TMEM232: variants seen among roughly 807,000 people sequenced by gnomAD.
TMEM232 encodes the protein transmembrane protein 232.
In TMEM232, 80 loss-of-function variants were observed where a neutral mutation model predicts 78.8. The ratio of observed to expected loss-of-function variants is 1.01; its 90% CI spans 0.85 to 1.22. The LOEUF (loss-of-function observed/expected upper bound fraction) is 1.22. Ranked by LOEUF, TMEM232 falls within the 50% of genes most tolerant of loss-of-function variation. The pLI is 0.00. For missense variants in TMEM232, 881 were observed against 742.2 expected, an observed-to-expected ratio of 1.19 and a Z score of -2.17; for synonymous variants, 297 against 254.3, an observed-to-expected ratio of 1.17 and a Z score of -1.60.
chr5:110,627,499 A>G (rs1322169420), intron 6 of TMEM232, among the ~76,000 whole-genome samples: 1 of 152,076 alleles, frequency 6.6e-6, no homozygotes, highest in Non-Finnish European at 1.5e-5. Flanking sequence ...CAACATGATA[A>G]CTATAGTTAA....
intron 12 of TMEM232, among the ~76,000 whole-genome samples, chr5:110,520,050 T>TATATATAGAGAGAG (rs374219408): frequency 2.0e-5 from 3 of 147,232 alleles, no homozygotes; most frequent in African/African-American, 7.5e-5. Flanking sequence ...TATATATATA[T>TATATATAGAGAGAG]AGAGAGAGAG....
intron 12 of TMEM232, among the ~76,000 whole-genome samples, chr5:110,436,324 G>A (rs1022555206): frequency 6.6e-6 from 1 of 151,892 alleles, no homozygotes; most frequent in Non-Finnish European, 1.5e-5. Context: ...TTTCTATAGA[G>A]TTGTTTGAGG....
chr5:110,562,353 G>A (rs1332687665), intron 11 of TMEM232, among the ~76,000 whole-genome samples: 1 of 152,052 alleles, frequency 6.6e-6, no homozygotes, highest in African/African-American at 2.4e-5. Context: ...TTTTCACAGT[G>A]TTCTTATCTC....
At chr5:110,463,965 T>C (rs1489353715) in intron 12 of TMEM232, among the ~76,000 whole-genome samples, 1 of 152,222 alleles carries the variant, frequency 6.6e-6, no homozygotes, top group Non-Finnish European at 1.5e-5. Flanking sequence ...TTTGAAATAC[T>C]CATCTTCCAG....
At chr5:110,389,953 C>A (rs997940412) in intron 4 of TMEM232, among the ~76,000 whole-genome samples, 2 of 152,160 alleles carry the variant, frequency 1.3e-5, no homozygotes, top group Non-Finnish European at 2.9e-5. Flanking sequence ...CTACTCTCTT[C>A]CCCCAAAACA....
At chr5:110,467,918 GGCTTT>G (rs1762258081) in intron 12 of TMEM232, among the ~76,000 whole-genome samples, 1 of 143,374 alleles carries the variant, frequency 7.0e-6, no homozygotes, top group African/African-American at 2.7e-5. Flanking sequence ...TATACTCTTT[GGCTTT>G]GGGTGCATCA....
intron 12 of TMEM232, among the ~76,000 whole-genome samples, chr5:110,468,121 ATTACT>A (rs1224083494): frequency 1.3e-5 from 2 of 152,252 alleles, no homozygotes; most frequent in African/African-American, 2.4e-5. Context: ...AGATAGATAC[ATTACT>A]TTACTTTAAA....
chr5:110,671,226 G>A (rs917692378), intron 1 of TMEM232, among the ~76,000 whole-genome samples: 1 of 152,112 alleles, frequency 6.6e-6, no homozygotes, highest in Non-Finnish European at 1.5e-5. Context: ...TTAGAATGGT[G>A]ATCATTAAAA....
In TMEM232 at chr5:110,653,929, T is replaced by C. The variant is rs548490380; in HGVS notation, c.126-11558A>G. Among the ~76,000 whole-genome samples, 11 of 152,274 alleles carry C rather than the reference T, an allele frequency of 7.2e-5. No homozygotes were observed. The South Asian group carries it at 2.3e-3, about 32-fold the overall frequency. ...CGACATATCAGTGATGATCAAAGCC[T>C]TAAAATTTCAAGAGGAAGAATACTA... is the stretch of plus-strand genomic sequence containing the variant. On this transcript the variant is annotated intron_variant, in intron 2 of 13. Coordinates refer to ENST00000455884, the MANE Select transcript of TMEM232 (RefSeq NM_001039763.4).
At chr5:110,667,145 T>C (rs1790697895) in intron 2 of TMEM232, 83 bp downstream of exon 2, 14 of 1,130,674 alleles carry the variant, frequency 1.2e-5, no homozygotes, top group Admixed American at 3.5e-5. Context: ...TAGAGAACTA[T>C]GGGTGAATTT....
intron 2 of TMEM232, among the ~76,000 whole-genome samples, chr5:110,405,765 T>C (rs1755768533): frequency 6.8e-6 from 1 of 148,038 alleles, no homozygotes; most frequent in South Asian, 2.1e-4. Context: ...AAACAGGCCA[T>C]CTGTAACTTC....
chr5:110,603,094 G>C (rs1270817108), intron 10 of TMEM232, among the ~76,000 whole-genome samples: 2 of 152,074 alleles, frequency 1.3e-5, no homozygotes, highest in Non-Finnish European at 2.9e-5. Flanking sequence ...TGAACAATGG[G>C]AACCCATGGA....
intron 1 of TMEM232, among the ~76,000 whole-genome samples, chr5:110,690,962 T>C (rs1244998254): frequency 1.3e-5 from 2 of 150,658 alleles, no homozygotes; most frequent in African/African-American, 4.9e-5. Context: ...CGTCAAACAC[T>C]AGGGACTGTT....
chr5:110,732,772 A>C (rs1798803288), intron 2 of TMEM232, among the ~76,000 whole-genome samples: 1 of 152,224 alleles, frequency 6.6e-6, no homozygotes, highest in Non-Finnish European at 1.5e-5. Context: ...TAGAGTTCTC[A>C]TTAGGATTTT....
intron 12 of TMEM232, among the ~76,000 whole-genome samples, chr5:110,453,827 C>CA (rs556583793): frequency 0.047 from 5,455 of 116,988 alleles, 139 homozygotes; most frequent in Admixed American, 0.098. Context: ...ATTCCAGGAG[C>CA]AAAAAAAAAA....
intron 11 of TMEM232, among the ~76,000 whole-genome samples, chr5:110,567,738 A>G (rs1001040555): frequency 6.6e-6 from 1 of 151,798 alleles, no homozygotes; most frequent in Non-Finnish European, 1.5e-5. Context: ...AGTTAAGACC[A>G]CCTTTACACT....
At chr5:110,393,101 TGGG>T (rs1408833758) in intron 3 of TMEM232, among the ~76,000 whole-genome samples, 2 of 152,286 alleles carry the variant, frequency 1.3e-5, no homozygotes, top group Non-Finnish European at 2.9e-5. Context: ...TATAATATGT[TGGG>T]GGAATAGACA....
At chr5:110,498,609 A>G (rs1765878612) in intron 12 of TMEM232, among the ~76,000 whole-genome samples, 1 of 152,174 alleles carries the variant, frequency 6.6e-6, no homozygotes, top group Non-Finnish European at 1.5e-5. Context: ...AAGAAAGGGA[A>G]TGCAACTGGG....
At chr5:110,724,031 G>A (rs1797918496) in intron 1 of TMEM232, among the ~76,000 whole-genome samples, 1 of 152,166 alleles carries the variant, frequency 6.6e-6, no homozygotes, top group Non-Finnish European at 1.5e-5. Flanking sequence ...CAAGTTGTTG[G>A]AGACGAGTTT....
Sources: gnomAD v4.1 joint callset for allele counts (sites outside exome capture counted in the v4.1 genomes callset) on GRCh38, gnomAD v4.1.1 for gene constraint, MANE v1.5 for transcripts, NCBI Gene and HGNC (gene_info 2026-07-23, HGNC 2026-07-21) for gene names.